TMTC3: variants seen among roughly 807,000 people sequenced by gnomAD.
TMTC3 encodes protein O-mannosyl-transferase TMTC3.
In TMTC3, 52 loss-of-function variants were observed where a neutral mutation model predicts 92.2. The observed-to-expected ratio is 0.56, with a 90% CI of 0.45 to 0.71. The LOEUF (loss-of-function observed/expected upper bound fraction) is 0.71, where lower values mean the gene tolerates loss of function less well. TMTC3 is among the 30% of genes least tolerant of loss of function. The pLI, the probability that TMTC3 is intolerant of heterozygous loss-of-function variation, is 0.00. For synonymous variants in TMTC3, 339 were observed against 363.3 expected, an observed-to-expected ratio of 0.93 and a Z score of 0.76; for missense variants, 896 against 1,057.1, an observed-to-expected ratio of 0.85 and a Z score of 2.11.
rs565399854 is a variant in TMTC3 at position 88,198,202 on chromosome 12, AT to A, written c.*2566del. 0.16 allele frequency: 47,560 copies of A among 289,028 alleles called. No individual in the cohort carries two copies. Among genetic ancestry groups the A allele is most frequent in the East Asian group, 0.25 (4,438 of 17,756 alleles). 17.9% of individuals were successfully genotyped at this position (289,028 alleles called of 1,614,324 possible). On this transcript the variant is annotated 3_prime_UTR_variant, in exon 14 of 14. Coordinates refer to ENST00000266712, the MANE Select transcript of TMTC3 (RefSeq NM_181783.4). ...CTGTTCAGGTGAGAAAACATAATGGATTTTTTTTTTTTTCCTCTGGAGCTGC... is the reference window on the plus strand; with the variant it reads ...CTGTTCAGGTGAGAAAACATAATGGATTTTTTTTTTTTCCTCTGGAGCTGC...
chr12:88,189,078 T>TTTTC, intron 11 of TMTC3, 132 bp downstream of exon 11: 1 of 605,120 alleles, frequency 1.7e-6, no homozygotes, highest in South Asian at 2.2e-5. Context: ...AGAATTACAT[T>TTTTC]TTTCTAGCTT....
chr12:88,170,945 T>C (rs753756365), intron 7 of TMTC3, among the ~76,000 whole-genome samples: 2 of 152,206 alleles, frequency 1.3e-5, no homozygotes, highest in African/African-American at 4.8e-5. Context: ...CAATGTTCAG[T>C]GTTATATTAA....
At chr12:88,180,797 C>G (rs2041309649) in intron 10 of TMTC3, among the ~76,000 whole-genome samples, 1 of 152,138 alleles carries the variant, frequency 6.6e-6, no homozygotes, top group East Asian at 1.9e-4. Context: ...TTCCCCATGT[C>G]AACAAATCAT....
intron 7 of TMTC3, among the ~76,000 whole-genome samples, chr12:88,169,204 G>A (rs570285888): frequency 7.9e-5 from 12 of 152,138 alleles, no homozygotes; most frequent in Non-Finnish European, 1.8e-4. Flanking sequence ...ATTTGAACTT[G>A]GTGCTCATGC....
chr12:88,173,135 A>G, intron 8 of TMTC3: 3 of 1,180,548 alleles, frequency 2.5e-6, no homozygotes, highest in South Asian at 1.5e-5. Context: ...ATAGTAAGCA[A>G]TCTGTAATTT....
chr12:88,190,194 T>C (rs1441939294), intron 11 of TMTC3, among the ~76,000 whole-genome samples: 1 of 152,230 alleles, frequency 6.6e-6, no homozygotes, highest in African/African-American at 2.4e-5. Context: ...ATTAAGGATA[T>C]ATTTTTTCAT....
intron 13 of TMTC3, 151 bp from the exon 14 acceptor site, chr12:88,194,687 C>A: frequency 1.9e-6 from 1 of 526,030 alleles, no homozygotes; most frequent in Non-Finnish European, 3.0e-6. Context: ...CCTATGAAGA[C>A]TTCGAGATTT....
chr12:88,176,182 T>G, intron 9 of TMTC3, 26 bp from the exon 10 acceptor site: 1 of 1,497,716 alleles, frequency 6.7e-7, no homozygotes, highest in Non-Finnish European at 9.1e-7. Flanking sequence ...TAATTGTAAC[T>G]TTTTCTATCT....
Position 88,160,884 on chromosome 12 carries a change from C to T in TMTC3, c.797+33C>T. On this transcript the variant is annotated intron_variant, in intron 6 of 13. Coordinates refer to ENST00000266712, the MANE Select transcript of TMTC3 (RefSeq NM_181783.4). Reference sequence around the variant, plus strand: ...ATTCTGGTTCTTTGTTTTCTCCATTCTTTTTTTTAACTTTGGATTTTAATG... The same window carrying T: ...ATTCTGGTTCTTTGTTTTCTCCATTTTTTTTTTTAACTTTGGATTTTAATG... 5.2e-6 allele frequency: 8 copies of T among 1,523,878 alleles called. No individual in the cohort carries two copies. The East Asian group carries it at 7.2e-5, about 14-fold the overall frequency. 94.4% of individuals were successfully genotyped at this position (1,523,878 alleles called of 1,614,324 possible). A position where few individuals can be genotyped will look rare whatever the true frequency, so the allele number is the denominator to read the frequency against.
chr12:88,198,676 T>A lies in TMTC3; in HGVS notation c.*3027T>A. ...TCTAATAAAACCTCATGCCTTTTCA[T>A]TACATCTAATTTGAACTCTCAACTT... On this transcript the variant is annotated 3_prime_UTR_variant, in exon 14 of 14. Coordinates refer to ENST00000266712, the MANE Select transcript of TMTC3 (RefSeq NM_181783.4). 2 of 341,810 alleles carry A rather than the reference T, an allele frequency of 5.9e-6. No homozygotes were observed. Among genetic ancestry groups the A allele is most frequent in the Non-Finnish European group, 1.0e-5 (2 of 190,998 alleles). 21.2% of individuals were successfully genotyped at this position (341,810 alleles called of 1,614,324 possible). A position where few individuals can be genotyped will look rare whatever the true frequency, so the allele number is the denominator to read the frequency against.
intron 10 of TMTC3, among the ~76,000 whole-genome samples, chr12:88,178,993 CT>C (rs1305955208): frequency 6.6e-6 from 1 of 152,150 alleles, no homozygotes. Flanking sequence ...ATTTTTCCCC[CT>C]CATTGTCAAT....
chr12:88,155,583 A>C (rs2040998125), intron 4 of TMTC3, among the ~76,000 whole-genome samples: 1 of 152,124 alleles, frequency 6.6e-6, no homozygotes, highest in Non-Finnish European at 1.5e-5. Flanking sequence ...TTATACCTGC[A>C]TTTCCCATTA....
intron 2 of TMTC3, among the ~76,000 whole-genome samples, chr12:88,150,266 A>G (rs1420359991): frequency 6.6e-6 from 1 of 152,112 alleles, no homozygotes; most frequent in African/African-American, 2.4e-5. Flanking sequence ...GGTGCTACAC[A>G]GTTTTGAACA....
At chr12:88,177,243 T>A (rs371502419) in intron 10 of TMTC3, among the ~76,000 whole-genome samples, 8 of 151,220 alleles carry the variant, frequency 5.3e-5, no homozygotes, top group African/African-American at 1.9e-4. Context: ...CAAGAATCGC[T>A]GGAACCTGGG....
chr12:88,168,596 G>GGAAA (rs989371948), intron 7 of TMTC3, among the ~76,000 whole-genome samples: 2 of 152,160 alleles, frequency 1.3e-5, no homozygotes, highest in Non-Finnish European at 2.9e-5. Flanking sequence ...TTTTTTGAAT[G>GGAAA]CGGATATCCC....
chr12:88,194,708 CTTT>C (rs1437571897), intron 13 of TMTC3, 127 bp from the exon 14 acceptor site: 9 of 644,064 alleles, frequency 1.4e-5, no homozygotes, highest in African/African-American at 1.9e-5. Context: ...TTGCTTTCTA[CTTT>C]TTTTAACTAT....
rs1172120133 is a variant in TMTC3, at chr12:88,197,214, A to G, written c.*1565A>G. 6.6e-6 allele frequency: 1 copy of G among 150,666 alleles called. No homozygotes were observed. The highest frequency in any genetic ancestry group is 1.5e-5 in the Non-Finnish European group (1 of 67,568). 9.3% of individuals were successfully genotyped at this position (150,666 alleles called of 1,614,324 possible). On this transcript the variant is annotated 3_prime_UTR_variant, in exon 14 of 14. Transcript: ENST00000266712. The stretch of plus-strand genomic sequence containing the variant: ...ATAGGTCATAAGATACAAGGTCTGC[A>G]TTAGAAGACCCACTCTTACTAGGTT...
intron 4 of TMTC3, among the ~76,000 whole-genome samples, chr12:88,154,675 C>T (rs1205414872): frequency 6.6e-6 from 1 of 152,028 alleles, no homozygotes; most frequent in Non-Finnish European, 1.5e-5. Context: ...GTCCTAGTTC[C>T]ATCTTCTGTT....
chr12:88,161,750 C>T (rs1238048274), intron 6 of TMTC3, among the ~76,000 whole-genome samples: 1 of 151,142 alleles, frequency 6.6e-6, no homozygotes, highest in Non-Finnish European at 1.5e-5. Flanking sequence ...TTTAGAACAT[C>T]CTCTGCTTAT....
Sources: gnomAD v4.1 joint callset for allele counts (sites outside exome capture counted in the v4.1 genomes callset) on GRCh38, gnomAD v4.1.1 for gene constraint, MANE v1.5 for transcripts, NCBI Gene and HGNC (gene_info 2026-07-23, HGNC 2026-07-21) for gene names.